Variants in FMR1 observed in about 807,000 individuals in gnomAD.
FMR1 encodes the protein FMRP translational regulator 1.
A neutral mutation model predicts 50.6 loss-of-function variants in FMR1; 13 were observed. The ratio of observed to expected loss-of-function variants is 0.26; its 90% CI spans 0.17 to 0.41. The LOEUF is 0.41. FMR1 is among the 10% of genes least tolerant of loss of function. The pLI, the probability that FMR1 is intolerant of heterozygous loss-of-function variation, is 1.00. For missense variants in FMR1, 316 were observed against 491.3 expected, an observed-to-expected ratio of 0.64 and a Z score of 3.37; for synonymous variants, 138 against 164.1, an observed-to-expected ratio of 0.84 and a Z score of 1.22.
In FMR1 at chrX:147,943,308, G is replaced by A; in HGVS notation, c.1453G>A (p.Gly485Ser). ...CAGAAATAGGGGGCACGGCAGACGC[G>A]GTCCTGGATATACTTCAGGTACAAA... ...PYRNRGHGRR[G>S]PGYTSGTNSE... The change falls in exon 14 of 17, where the codon GGT becomes AGT. Residue 485 changes from glycine (G) to serine (S), a missense_variant. Physicochemically the swap from Gly to Ser is moderately conservative, Grantham distance 56. Transcript: ENST00000370475. The A allele has an allele frequency of 8.3e-7, 1 of 1,208,328 alleles. No individual in the cohort carries two copies. The highest frequency in any genetic ancestry group is 1.1e-6 in the Non-Finnish European group (1 of 892,764).
intron 13 of FMR1, 145 bp from the exon 14 acceptor site, chrX:147,942,986 T>C (rs2044059440): frequency 2.0e-6 from 1 of 493,690 alleles, no homozygotes; most frequent in Admixed American, 3.9e-5. Flanking sequence ...TTCAATTTCC[T>C]GATAATTCTG....
chrX:147,928,864 A>G, intron 5 of FMR1, 57 bp downstream of exon 5: 1 of 1,124,526 alleles, frequency 8.9e-7, no homozygotes, highest in Non-Finnish European at 1.2e-6. Context: ...ATTAGTTTAG[A>G]AGAATTTCTA....
At chrX:147,918,434 A>G (rs1376898638) in intron 1 of FMR1, among the ~76,000 whole-genome samples, 1 of 110,709 alleles carries the variant, frequency 9.0e-6, no homozygotes, top group African/African-American at 3.3e-5. Context: ...CCATTTACAG[A>G]TAAGCCTCAT....
intron 1 of FMR1, chrX:147,914,128 T>C (rs1557174604): frequency 8.9e-6 from 1 of 112,628 alleles, no homozygotes; most frequent in Non-Finnish European, 1.9e-5. Context: ...CTTTTTTGTT[T>C]TGTTTTGTAA....
chrX:147,917,387 T>C (rs1557175443), intron 1 of FMR1, among the ~76,000 whole-genome samples: 2 of 112,120 alleles, frequency 1.8e-5, no homozygotes, highest in Non-Finnish European at 3.8e-5. Context: ...TGTAATTACC[T>C]CTTTGGCCCA....
At chrX:147,915,107 A>G (rs1199544914) in intron 1 of FMR1, among the ~76,000 whole-genome samples, 2 of 111,863 alleles carry the variant, frequency 1.8e-5, no homozygotes, top group Non-Finnish European at 3.8e-5. Flanking sequence ...AATATGGTGT[A>G]ATTATACTAG....
At chrX:147,937,735 G>T in intron 11 of FMR1, 135 bp downstream of exon 11, 1 of 509,142 alleles carries the variant, frequency 2.0e-6, no homozygotes, top group Admixed American at 2.9e-5. Flanking sequence ...GTAATTGCCA[G>T]CTTATGAGAT....
Position 147,948,777 on chromosome X carries a change from G to C in FMR1, c.1832G>C (p.Arg611Pro), listed in dbSNP as rs782715138. The C allele has an allele frequency of 8.3e-7, 1 of 1,211,303 alleles. No individual in the cohort carries two copies. The highest frequency in any genetic ancestry group is 3.0e-5 in the East Asian group (1 of 33,827). ...EGSRLRTGKDRNQKKEKPDSV... is the reference protein window; with the variant it reads ...EGSRLRTGKDPNQKKEKPDSV... The stretch of plus-strand genomic sequence containing the variant: ...AGTCGGCTGCGCACGGGTAAAGATC[G>C]TAACCAGAAGAAAGAGAAGCCAGAC... Residue 611 changes from arginine to proline, a missense_variant, in exon 17 of 17, where the codon CGT becomes CCT. By Grantham distance (103) the Arg-to-Pro change is moderately radical (BLOSUM62 -2). Around this residue, in one of 4 missense-constraint regions of FMR1, gnomAD observed 124 missense variants for 160.8 expected, o/e 0.77. Transcript: ENST00000370475.
chrX:147,936,357 A>G (rs899529633), intron 9 of FMR1, 147 bp from the exon 10 acceptor site: 7 of 449,379 alleles, frequency 1.6e-5, no homozygotes, highest in Non-Finnish European at 2.7e-5. Context: ...AAGAGTCTCT[A>G]CTTTGGTTTT....
At chrX:147,937,409 A>C in intron 10 of FMR1, 57 bp from the exon 11 acceptor site, 1 of 774,655 alleles carries the variant, frequency 1.3e-6, no homozygotes. Context: ...AATAGAGCTA[A>C]ATAAAGTCTT....
rs1169225874 is a variant in FMR1, at chrX:147,950,187, A to G, written c.*1343A>G. On this transcript the variant is annotated 3_prime_UTR_variant, in exon 17 of 17. Transcript: ENST00000370475. ...TAACTCCTAGTAGGGGTACCACTGA[A>G]TCTGTACAGAGCCGTAAAAACTGAA... 2 of 326,179 alleles carry G rather than the reference A, an allele frequency of 6.1e-6. No individual in the cohort carries two copies. Among genetic ancestry groups the G allele is most frequent in the Non-Finnish European group, 1.2e-5 (2 of 169,241 alleles). The allele number at this position is 326,179 out of a possible 1,213,427, so 26.9% of individuals were successfully genotyped here.
At chrX:147,944,277 T>A in intron 14 of FMR1, 1 of 753,323 alleles carries the variant, frequency 1.3e-6, no homozygotes, top group Non-Finnish European at 1.6e-6. Context: ...TTATTAATGA[T>A]CAATTATTGT....
chrX:147,930,383 T>C (rs2043550470), intron 7 of FMR1, 139 bp downstream of exon 7: 1 of 519,068 alleles, frequency 1.9e-6, no homozygotes, highest in Admixed American at 2.5e-5. Context: ...TGGAAAATTG[T>C]ACAAAGCATA....
chrX:147,912,378 G>A, intron 1 of FMR1, 148 bp downstream of exon 1: 1 of 540,154 alleles, frequency 1.9e-6, no homozygotes, highest in Non-Finnish European at 3.0e-6. Context: ...TGGGAGGGAA[G>A]GACTGGACTT....
Position 147,916,168 on chromosome X carries a change from G to A in FMR1, c.51+3938G>A, listed in dbSNP as rs982416833. 3.6e-5 allele frequency among the ~76,000 whole-genome samples: 4 copies of A among 112,293 alleles called. No homozygotes were observed. In the South Asian group the frequency reaches 1.5e-3, roughly 41 times the overall value. ...AATCTTTGACCCTGCTAGGAAATTT[G>A]TCTTTGTTATATTGGGAGCTCATAA... On this transcript the variant is annotated intron_variant, in intron 1 of 16. Transcript: ENST00000370475.
chrX:147,949,334 ATG>A lies in FMR1; in HGVS notation c.*497_*498del, dbSNP rs1557182901. The A allele has an allele frequency of 6.1e-6, 2 of 327,024 alleles. No individual in the cohort carries two copies. Among genetic ancestry groups the A allele is most frequent in the East Asian group, 2.0e-4 (2 of 10,213 alleles). 27.0% of individuals were successfully genotyped at this position (327,024 alleles called of 1,213,427 possible). On this transcript the variant is annotated 3_prime_UTR_variant, in exon 17 of 17. Coordinates refer to ENST00000370475, the MANE Select transcript of FMR1 (RefSeq NM_002024.6). The stretch of plus-strand genomic sequence containing the variant: ...TTCCAGTATTTTAGTGGACCCTGAA[ATG>A]TGTGTGATGTGACATTTGTCATTTT...
In FMR1 at chrX:147,936,630, A is replaced by G; in HGVS notation, c.990+17A>G. ...CAAGAAGAGGTATGTTACAGTGCGA[A>G]TATTTTGTGGCACATATAATAAAAG... On this transcript the variant is annotated intron_variant, in intron 10 of 16. Transcript: ENST00000370475. 1 of 987,792 alleles carries G rather than the reference A, an allele frequency of 1.0e-6. No individual in the cohort carries two copies. Among genetic ancestry groups the G allele is most frequent in the Non-Finnish European group, 1.4e-6 (1 of 691,220 alleles). 81.4% of individuals were successfully genotyped at this position (987,792 alleles called of 1,213,427 possible).
intron 9 of FMR1, among the ~76,000 whole-genome samples, chrX:147,934,828 G>A (rs1012015433): frequency 1.8e-5 from 2 of 111,970 alleles, no homozygotes; most frequent in African/African-American, 6.5e-5. Context: ...CAGATCTTTA[G>A]AGAGGTGTCA....
Position 147,949,737 on chromosome X carries a change from A to G in FMR1, c.*893A>G, listed in dbSNP as rs1456209225. The G allele has an allele frequency of 9.2e-6, 3 of 327,089 alleles. No individual in the cohort carries two copies. The highest frequency in any genetic ancestry group is 1.8e-5 in the Non-Finnish European group (3 of 169,478). The allele number at this position is 327,089 out of a possible 1,213,427, so 27.0% of individuals were successfully genotyped here. A position where few individuals can be genotyped will look rare whatever the true frequency, so the allele number is the denominator to read the frequency against. On this transcript the variant is annotated 3_prime_UTR_variant, in exon 17 of 17. Transcript: ENST00000370475. ...GAACAAATCTTCCTGGTCGAAAGTT[A>G]GTAGGATATGCCTGCTCTTTGGCCT...
Sources: allele counts gnomAD v4.1 joint callset (sites outside exome capture counted in the v4.1 genomes callset), GRCh38; gene constraint gnomAD v4.1.1; regional missense constraint gnomAD v4.1.1; transcripts MANE v1.5; gene names NCBI Gene and HGNC (gene_info 2026-07-23, HGNC 2026-07-21).